ITPR2: variants seen among roughly 807,000 people sequenced by gnomAD.
The protein encoded by ITPR2 is inositol 1,4,5-trisphosphate-gated calcium channel ITPR2.
In ITPR2, 207 loss-of-function variants were observed where a neutral mutation model predicts 317.1. That is an observed-to-expected ratio of 0.65 (90% CI 0.58 to 0.73). The LOEUF is 0.73. Among genes scored for constraint, ITPR2 ranks in the 30% least tolerant of loss-of-function variants. ITPR2 has a pLI of 0.00. For synonymous variants in ITPR2, 1,156 were observed against 1,149.1 expected (o/e 1.01, Z -0.12); for missense variants, 2,613 against 3,284.0 (o/e 0.80, Z 4.99).
chr12:26,479,084 G>C (rs1942485155), intron 43 of ITPR2, among the ~76,000 whole-genome samples: 1 of 149,260 alleles, frequency 6.7e-6, no homozygotes, highest in South Asian at 2.1e-4. Flanking sequence ...TTCTTATATT[G>C]GCCAATGTGT....
intron 13 of ITPR2, among the ~76,000 whole-genome samples, chr12:26,667,642 G>A (rs1947659540): frequency 6.6e-6 from 1 of 152,096 alleles, no homozygotes; most frequent in African/African-American, 2.4e-5. Flanking sequence ...TGGAGCGGAG[G>A]TTACTTCAGC....
chr12:26,402,449 G>C (rs1940208562), intron 52 of ITPR2, among the ~76,000 whole-genome samples: 1 of 152,152 alleles, frequency 6.6e-6, no homozygotes, highest in African/African-American at 2.4e-5. Context: ...ACAGGAGAGG[G>C]CTTCTACCTC....
At chr12:26,756,016 T>C (rs1363149862) in intron 2 of ITPR2, among the ~76,000 whole-genome samples, 1 of 152,172 alleles carries the variant, frequency 6.6e-6, no homozygotes, top group African/African-American at 2.4e-5. Context: ...AATCCTTCTA[T>C]GGAACAGAGT....
At chr12:26,376,569 C>T (rs1939350717) in intron 55 of ITPR2, among the ~76,000 whole-genome samples, 1 of 152,044 alleles carries the variant, frequency 6.6e-6, no homozygotes, top group Admixed American at 6.6e-5. Flanking sequence ...CAGGATGGCT[C>T]CCTTGAATCC....
chr12:26,390,850 T>C lies in ITPR2; in HGVS notation c.7697-3256A>G, dbSNP rs114973042. Among the ~76,000 whole-genome samples the C allele has an allele frequency of 3.4e-3, 524 of 152,130 alleles. 8 individuals are homozygous for C. The highest frequency in any genetic ancestry group is 0.012 in the African/African-American group (503 of 41,488). On this transcript the variant is annotated intron_variant, in intron 54 of 56. Coordinates refer to ENST00000381340, the MANE Select transcript of ITPR2 (RefSeq NM_002223.4). ...AAACAAAAGAGAGAAAATGTTAAAG[T>C]AGATTTTCCCAGAATTCAATTCAAA...
chr12:26,676,118 A>G (rs1947901797), intron 13 of ITPR2, among the ~76,000 whole-genome samples: 1 of 152,126 alleles, frequency 6.6e-6, no homozygotes. Context: ...AGATCGTGCC[A>G]CTGCACTCCA....
At chr12:26,824,999 A>G (rs552310595) in intron 1 of ITPR2, among the ~76,000 whole-genome samples, 1 of 152,328 alleles carries the variant, frequency 6.6e-6, no homozygotes, top group South Asian at 2.1e-4. Flanking sequence ...TGGGAAGCCA[A>G]GGCAGGTAGA....
chr12:26,342,359 A>C (rs999491494), intron 55 of ITPR2, among the ~76,000 whole-genome samples: 1 of 151,974 alleles, frequency 6.6e-6, no homozygotes, highest in Non-Finnish European at 1.5e-5. Context: ...TATATTACGT[A>C]TTATCTGAAT....
At position 26,602,479 on chromosome 12, in the gene ITPR2, C is replaced by T; in HGVS notation, c.3569G>A (p.Ser1190Asn). The T allele has an allele frequency of 6.2e-7, 1 of 1,610,932 alleles. No individual in the cohort carries two copies. Among genetic ancestry groups the T allele is most frequent in the Non-Finnish European group, 8.5e-7 (1 of 1,178,514 alleles). The change falls in exon 28 of 57, where the codon AGT (serine) becomes AAT (asparagine). Residue 1190 changes from serine to asparagine, a missense_variant. By Grantham distance (46) the Ser-to-Asn change is conservative. Around this residue, in one of 9 missense-constraint regions of ITPR2, gnomAD observed 817 missense variants for 897.6 expected, o/e 0.91. Coordinates refer to ENST00000381340, the MANE Select transcript of ITPR2 (RefSeq NM_002223.4). ...CTTTTTATTCTGCACACAGAGTTTACTTAGCCTGATCAAAATCTTTAAAAG... is the reference window on the plus strand; with the variant it reads ...CTTTTTATTCTGCACACAGAGTTTATTTAGCCTGATCAAAATCTTTAAAAG... Reference protein sequence around the residue: ...RIVKEILIRLSKLCVQNKKCR... With the variant: ...RIVKEILIRLNKLCVQNKKCR...
Position 26,712,634 on chromosome 12 carries a change from T to TACAC in ITPR2, c.856-1370_856-1367dup, listed in dbSNP as rs67872654. Among the ~76,000 whole-genome samples, 98 of 149,036 alleles carry TACAC rather than the reference T, an allele frequency of 6.6e-4. No homozygotes were observed. The East Asian group carries it at 6.8e-3, about 10-fold the overall frequency. On this transcript the variant is annotated intron_variant, in intron 8 of 56. Transcript: ENST00000381340. ...GATAAAATCTAATGTTTGTCTCAAA[T>TACAC]ACACACACACACACACACACACACA...
chr12:26,539,968 T>C (rs898186363), intron 37 of ITPR2, among the ~76,000 whole-genome samples: 2 of 152,236 alleles, frequency 1.3e-5, no homozygotes, highest in Non-Finnish European at 2.9e-5. Flanking sequence ...CAAACATTTA[T>C]TGAGTAGCAA....
At chr12:26,812,565 C>G (rs575496631) in intron 1 of ITPR2, among the ~76,000 whole-genome samples, 1 of 152,024 alleles carries the variant, frequency 6.6e-6, no homozygotes, top group Non-Finnish European at 1.5e-5. Context: ...GGCGACAGAG[C>G]GAGACTCCGT....
intron 32 of ITPR2, among the ~76,000 whole-genome samples, chr12:26,593,973 G>A (rs148222454): frequency 1.8e-4 from 28 of 152,278 alleles, no homozygotes; most frequent in African/African-American, 6.7e-4. Context: ...CCGCAAATCA[G>A]TCTATAATCT....
intron 37 of ITPR2, among the ~76,000 whole-genome samples, chr12:26,501,625 T>C (rs1360966179): frequency 6.6e-6 from 1 of 152,212 alleles, no homozygotes; most frequent in Non-Finnish European, 1.5e-5. Context: ...TTGAAAAATA[T>C]ATGATGTCTC....
intron 1 of ITPR2, among the ~76,000 whole-genome samples, chr12:26,806,730 G>C (rs1361250142): frequency 6.6e-6 from 1 of 152,138 alleles, no homozygotes; most frequent in Admixed American, 6.5e-5. Flanking sequence ...TGTAGAGACA[G>C]GGTTTCGCCA....
At chr12:26,728,204 A>G (rs1044402922) in intron 2 of ITPR2, among the ~76,000 whole-genome samples, 1 of 152,314 alleles carries the variant, frequency 6.6e-6, no homozygotes, top group Middle Eastern at 3.4e-3. Flanking sequence ...TGTTGTGAAA[A>G]GACAGTAGGG....
chr12:26,768,280 G>A (rs1291599202), intron 2 of ITPR2, among the ~76,000 whole-genome samples: 4 of 142,102 alleles, frequency 2.8e-5, no homozygotes, highest in Non-Finnish European at 6.2e-5. Flanking sequence ...CGGGGGAAGG[G>A]GGAGGGATAG....
chr12:26,484,608 A>G (rs959574217), intron 41 of ITPR2, among the ~76,000 whole-genome samples: 1 of 152,246 alleles, frequency 6.6e-6, no homozygotes, highest in Admixed American at 6.5e-5. Context: ...AACTATAAAA[A>G]TTAGGTACTT....
At chr12:26,711,100 TG>T in intron 9 of ITPR2, 72 bp downstream of exon 9, 1 of 950,958 alleles carries the variant, frequency 1.1e-6, no homozygotes, top group Non-Finnish European at 1.7e-6. Context: ...TACGATGTCT[TG>T]TGGCGAACCC....
Sources: allele counts gnomAD v4.1 joint callset (sites outside exome capture counted in the v4.1 genomes callset), GRCh38; gene constraint gnomAD v4.1.1; regional missense constraint gnomAD v4.1.1; transcripts MANE v1.5; gene names NCBI Gene and HGNC (gene_info 2026-07-23, HGNC 2026-07-21).